The following TRDN variants were observed in gnomAD, a reference collection of about 807,000 sequenced individuals.
TRDN encodes the protein triadin in skeletal muscle.
In TRDN, 161 loss-of-function variants were observed where a neutral mutation model predicts 149.7. The ratio of observed to expected loss-of-function variants is 1.08; its 90% confidence interval spans 0.95 to 1.23. The LOEUF is 1.23. TRDN is among the 50% of genes most tolerant of loss of function. The pLI is 0.00. For missense variants in TRDN, 896 were observed against 823.5 expected, an observed-to-expected ratio of 1.09 and a Z score of -1.08; for synonymous variants, 294 against 250.5, an observed-to-expected ratio of 1.17 and a Z score of -1.64.
intron 1 of TRDN, among the ~76,000 whole-genome samples, chr6:123,573,371 A>G (rs1782673589): frequency 1.3e-5 from 2 of 152,066 alleles, no homozygotes; most frequent in South Asian, 4.1e-4. Flanking sequence ...GCTATATCAT[A>G]ATCATTATTA....
intron 2 of TRDN, among the ~76,000 whole-genome samples, chr6:123,557,390 A>T (rs1337976188): frequency 1.3e-5 from 2 of 151,992 alleles, no homozygotes; most frequent in African/African-American, 4.8e-5. Flanking sequence ...CCCAAGGAAC[A>T]CCTCACCAAT....
intron 9 of TRDN, among the ~76,000 whole-genome samples, chr6:123,476,162 A>G (rs1285339408): frequency 2.1e-5 from 2 of 95,582 alleles, no homozygotes; most frequent in Non-Finnish European, 4.4e-5. Flanking sequence ...AGAAAACCCC[A>G]TTGTCTCAGA....
Position 123,514,154 on chromosome 6 carries a change from C to A in TRDN, c.551-1792G>T, listed in dbSNP as rs186810115. 2.2e-3 allele frequency among the ~76,000 whole-genome samples: 338 copies of A among 152,194 alleles called. 1 individual carries two copies. Among genetic ancestry groups the A allele is most frequent in the African/African-American group, 7.6e-3 (314 of 41,548 alleles). On this transcript the variant is annotated intron_variant, in intron 6 of 40. Coordinates refer to ENST00000334268, the MANE Select transcript of TRDN (RefSeq NM_006073.4). ...CTGAGGTGAGCAGATCACTTGAGTT[C>A]AGGAGTATGAGACCAGCCTGGCCAA...
chr6:123,530,446 C>A, intron 5 of TRDN, 60 bp downstream of exon 5: 1 of 1,041,542 alleles, frequency 9.6e-7, no homozygotes, highest in South Asian at 2.1e-5. Context: ...TTTTTTCTCG[C>A]ATATGAATAC....
At chr6:123,226,638 T>C (rs1191822464) in intron 38 of TRDN, among the ~76,000 whole-genome samples, 1 of 151,816 alleles carries the variant, frequency 6.6e-6, no homozygotes, top group Non-Finnish European at 1.5e-5. Flanking sequence ...GGACAGTTGC[T>C]ATAGAGATGC....
At chr6:123,625,684 A>G (rs1785627288) in intron 1 of TRDN, among the ~76,000 whole-genome samples, 1 of 152,200 alleles carries the variant, frequency 6.6e-6, no homozygotes, top group African/African-American at 2.4e-5. Context: ...TACTCATTGT[A>G]TGCCTGTATA....
At chr6:123,605,066 A>C (rs1583313636) in intron 1 of TRDN, among the ~76,000 whole-genome samples, 1 of 151,960 alleles carries the variant, frequency 6.6e-6, no homozygotes, top group Non-Finnish European at 1.5e-5. Flanking sequence ...TGTTGACTAG[A>C]TGCATGTAGA....
intron 1 of TRDN, among the ~76,000 whole-genome samples, chr6:123,574,983 T>C (rs987292762): frequency 1.4e-4 from 21 of 150,518 alleles, no homozygotes; most frequent in African/African-American, 5.1e-4. Flanking sequence ...TTTTACGTTT[T>C]CTAAACAACT....
intron 10 of TRDN, among the ~76,000 whole-genome samples, chr6:123,453,373 T>C (rs1462662755): frequency 6.6e-6 from 1 of 151,988 alleles, no homozygotes; most frequent in Non-Finnish European, 1.5e-5. Flanking sequence ...AAAGGACTAA[T>C]ATCCAGAATC....
intron 15 of TRDN, 27 bp from the exon 16 acceptor site, chr6:123,381,417 G>C (rs888091609): frequency 2.6e-6 from 4 of 1,549,392 alleles, no homozygotes; most frequent in Non-Finnish European, 3.5e-6. Flanking sequence ...CAAAATCATT[G>C]CTCTTAAAAC....
At chr6:123,500,492 T>A (rs976431898) in intron 8 of TRDN, among the ~76,000 whole-genome samples, 1 of 152,212 alleles carries the variant, frequency 6.6e-6, no homozygotes, top group Non-Finnish European at 1.5e-5. Context: ...TTAAATATTA[T>A]AGCAGAAAAT....
chr6:123,325,242 T>C (rs541297352), intron 23 of TRDN, among the ~76,000 whole-genome samples: 2 of 152,260 alleles, frequency 1.3e-5, no homozygotes, highest in Non-Finnish European at 2.9e-5. Context: ...TCATTTAATC[T>C]TTGGGCATCA....
chr6:123,627,841 T>C (rs1785759740), intron 1 of TRDN, among the ~76,000 whole-genome samples: 1 of 152,194 alleles, frequency 6.6e-6, no homozygotes, highest in East Asian at 1.9e-4. Context: ...TTTTATGTTG[T>C]GGAGATGGCT....
Position 123,475,763 on chromosome 6 carries a change from T to C in TRDN, c.854-10780A>G, listed in dbSNP as rs200090347. ...GCAAGGCTGGTTCAATATACGCAAATCAATAAATGTAATCCAGCATATAAA... is the reference window on the plus strand; with the variant it reads ...GCAAGGCTGGTTCAATATACGCAAACCAATAAATGTAATCCAGCATATAAA... On this transcript the variant is annotated intron_variant, in intron 9 of 40. Transcript: ENST00000334268. 3.2e-3 allele frequency among the ~76,000 whole-genome samples: 463 copies of C among 144,768 alleles called. 21 individuals carry two copies. In the East Asian group the frequency reaches 0.088, roughly 27 times the overall value. 95.0% of individuals were successfully genotyped at this position (144,768 alleles called of 152,430 possible).
At chr6:123,529,266 A>G (rs1780098524) in intron 5 of TRDN, 3 of 1,548,994 alleles carry the variant, frequency 1.9e-6, no homozygotes, top group Non-Finnish European at 2.6e-6. Flanking sequence ...CGCTTAGTCA[A>G]TCCGTACTCA....
intron 24 of TRDN, among the ~76,000 whole-genome samples, chr6:123,293,496 C>T (rs185937849): frequency 2.0e-5 from 3 of 152,136 alleles, no homozygotes; most frequent in African/African-American, 7.2e-5. Context: ...AGTTAGGAGA[C>T]CATATATGGT....
intron 24 of TRDN, among the ~76,000 whole-genome samples, chr6:123,298,170 A>G (rs1237542993): frequency 6.6e-6 from 1 of 152,120 alleles, no homozygotes; most frequent in Non-Finnish European, 1.5e-5. Context: ...TAAAAGAAAG[A>G]AAAACCGGGG....
chr6:123,387,868 GA>G (rs1002619105), intron 14 of TRDN, among the ~76,000 whole-genome samples: 1 of 151,780 alleles, frequency 6.6e-6, no homozygotes, highest in Admixed American at 6.6e-5. Flanking sequence ...AGGGGAAAAA[GA>G]AAAAAATGGG....
rs898978107 is a variant in TRDN, at chr6:123,461,919, T to C, written c.931+2987A>G. Among the ~76,000 whole-genome samples the C allele has an allele frequency of 6.6e-5, 10 of 152,222 alleles. No individual in the cohort carries two copies. The East Asian group carries it at 1.9e-3, about 29-fold the overall frequency. On this transcript the variant is annotated intron_variant, in intron 10 of 40. Transcript: ENST00000334268. ...TAACTACAGTGTCCCTTTGAACTTGTAGGCGTTTCAGCCCTAGTAAGAGCT... is the reference window on the plus strand; with the variant it reads ...TAACTACAGTGTCCCTTTGAACTTGCAGGCGTTTCAGCCCTAGTAAGAGCT...
Sources: gnomAD v4.1 joint callset for allele counts (sites outside exome capture counted in the v4.1 genomes callset) on GRCh38, gnomAD v4.1.1 for gene constraint, MANE v1.5 for transcripts, NCBI Gene and HGNC (gene_info 2026-07-23, HGNC 2026-07-21) for gene names.